Variants in PIGL observed in about 807,000 individuals in gnomAD.
PIGL encodes the protein N-acetylglucosaminyl-phosphatidylinositol de-N-acetylase.
PIGL carries 22 observed loss-of-function variants against 31.1 expected under a neutral mutation model. The ratio of observed to expected loss-of-function variants is 0.71; its 90% CI spans 0.51 to 1.01. The LOEUF is 1.01. PIGL is among the 50% of genes least tolerant of loss of function. The pLI, the probability that PIGL is intolerant of heterozygous loss-of-function variation, is 0.00. For missense variants in PIGL, 302 were observed against 315.9 expected (o/e 0.96, Z 0.33); for synonymous variants, 131 against 117.4 (o/e 1.12, Z -0.75).
rs140216212 is a variant in PIGL, at chr17:16,284,266, T to C, written c.336-15622T>C. ...TGCTGGGATTACAGGCATCAGCCAC[T>C]GCGCCTAGCCCGAAAGTTGCTTTTA... On this transcript the variant is annotated intron_variant, in intron 2 of 6. Transcript: ENST00000225609. Among the ~76,000 whole-genome samples the C allele has an allele frequency of 4.4e-3, 677 of 152,176 alleles. 8 individuals are homozygous for C. The highest frequency in any genetic ancestry group is 0.015 in the African/African-American group (633 of 41,522).
intron 1 of PIGL, among the ~76,000 whole-genome samples, chr17:16,224,615 C>G (rs1231043387): frequency 6.7e-6 from 1 of 149,992 alleles, no homozygotes; most frequent in African/African-American, 2.5e-5. Flanking sequence ...CCCCCAAATA[C>G]ATTTTAGAAT....
intron 6 of PIGL, among the ~76,000 whole-genome samples, chr17:16,324,926 A>G (rs1216351417): frequency 6.6e-6 from 1 of 152,080 alleles, no homozygotes; most frequent in Non-Finnish European, 1.5e-5. Flanking sequence ...TCTTCTTCTG[A>G]TAGTGATTGG....
chr17:16,317,146 A>G (rs1600863984), intron 5 of PIGL: 1 of 1,018,306 alleles, frequency 9.8e-7, no homozygotes, highest in East Asian at 8.3e-5. Flanking sequence ...CATGACCCCC[A>G]TGCTTAGCCT....
intron 2 of PIGL, among the ~76,000 whole-genome samples, chr17:16,255,762 C>T (rs2142737176): frequency 6.6e-6 from 1 of 152,314 alleles, no homozygotes; most frequent in African/African-American, 2.4e-5. Context: ...TCCAAATACA[C>T]AAAGAAGTGG....
intron 3 of PIGL, among the ~76,000 whole-genome samples, chr17:16,311,251 G>A (rs1010156126): frequency 1.3e-5 from 2 of 148,882 alleles, no homozygotes; most frequent in Admixed American, 6.7e-5. Flanking sequence ...TTTATTATTT[G>A]AGTTAGCCTT....
chr17:16,279,182 C>T (rs561810813), intron 2 of PIGL, among the ~76,000 whole-genome samples: 2 of 152,218 alleles, frequency 1.3e-5, no homozygotes, highest in Non-Finnish European at 2.9e-5. Flanking sequence ...AGTCCCAATC[C>T]AGACCCCAAG....
At chr17:16,220,048 T>A (rs1343983543) in intron 1 of PIGL, among the ~76,000 whole-genome samples, 1 of 151,910 alleles carries the variant, frequency 6.6e-6, no homozygotes, top group East Asian at 1.9e-4. Context: ...AATTGAAAAT[T>A]TTTTCAAATA....
chr17:16,264,846 G>A (rs1057490229), intron 2 of PIGL, among the ~76,000 whole-genome samples: 3 of 150,240 alleles, frequency 2.0e-5, no homozygotes, highest in Admixed American at 2.0e-4. Flanking sequence ...AGGCTGGTCT[G>A]GAACTCCTGA....
intron 2 of PIGL, among the ~76,000 whole-genome samples, chr17:16,251,799 G>A (rs1483394081): frequency 6.6e-6 from 1 of 151,898 alleles, no homozygotes; most frequent in Admixed American, 6.6e-5. Flanking sequence ...ATGAATAATA[G>A]GTTTTGCCAT....
intron 3 of PIGL, among the ~76,000 whole-genome samples, chr17:16,310,811 G>A (rs1161407597): frequency 1.3e-5 from 2 of 152,088 alleles, no homozygotes; most frequent in African/African-American, 4.8e-5. Flanking sequence ...CTTTTACACA[G>A]TGCTTCTTCC....
chr17:16,277,664 C>T (rs1232335275), intron 2 of PIGL, among the ~76,000 whole-genome samples: 1 of 152,108 alleles, frequency 6.6e-6, no homozygotes, highest in Non-Finnish European at 1.5e-5. Flanking sequence ...TTATTAGAAA[C>T]CTACATTCAA....
chr17:16,274,387 GTTTA>G (rs921104691), intron 2 of PIGL, among the ~76,000 whole-genome samples: 9 of 152,096 alleles, frequency 5.9e-5, no homozygotes, highest in Non-Finnish European at 7.4e-5. Flanking sequence ...TTGTTTGTTT[GTTTA>G]TTTATTTATT....
At chr17:16,286,256 G>T (rs1333269955) in intron 2 of PIGL, among the ~76,000 whole-genome samples, 1 of 152,254 alleles carries the variant, frequency 6.6e-6, no homozygotes, top group Non-Finnish European at 1.5e-5. Context: ...TCAGAGATAA[G>T]CTGTTACCCA....
intron 2 of PIGL, among the ~76,000 whole-genome samples, chr17:16,249,668 C>A (rs1600775820): frequency 6.6e-6 from 1 of 152,148 alleles, no homozygotes; most frequent in African/African-American, 2.4e-5. Flanking sequence ...GGTATAAGCC[C>A]TAGAATCTAA....
intron 1 of PIGL, among the ~76,000 whole-genome samples, chr17:16,228,627 A>G (rs1413668910): frequency 2.0e-5 from 3 of 151,982 alleles, no homozygotes; most frequent in Non-Finnish European, 2.9e-5. Flanking sequence ...TGACCTCGTG[A>G]TCCGCCCGCC....
intron 2 of PIGL, among the ~76,000 whole-genome samples, chr17:16,276,607 G>A (rs2092896764): frequency 6.6e-6 from 1 of 152,072 alleles, no homozygotes; most frequent in East Asian, 1.9e-4. Context: ...CGTGGTGGCG[G>A]GCACCTGTAA....
chr17:16,325,985 C>A lies in PIGL; in HGVS notation c.*87C>A. The A allele has an allele frequency of 2.1e-6, 2 of 967,320 alleles. No homozygotes were observed. The highest frequency in any genetic ancestry group is 1.6e-6 in the Non-Finnish European group (1 of 610,082). 59.9% of individuals were successfully genotyped at this position (967,320 alleles called of 1,614,324 possible). A position where few individuals can be genotyped will look rare whatever the true frequency, so the allele number is the denominator to read the frequency against. ...ACCTGGCCTGGCACTGGCTTATTTA[C>A]CTGAGCTCAAGGAGATCCCCGCTGG... On this transcript the variant is annotated 3_prime_UTR_variant, in exon 7 of 7. Coordinates refer to ENST00000225609, the MANE Select transcript of PIGL (RefSeq NM_004278.4).
chr17:16,322,648 C>G (rs1017381551), intron 6 of PIGL, among the ~76,000 whole-genome samples: 4 of 151,928 alleles, frequency 2.6e-5, no homozygotes, highest in Non-Finnish European at 5.9e-5. Context: ...ATTTGTAGTT[C>G]TATATTTATG....
chr17:16,321,233 G>A (rs1056970826), intron 6 of PIGL, among the ~76,000 whole-genome samples: 6 of 146,476 alleles, frequency 4.1e-5, no homozygotes, highest in Non-Finnish European at 6.0e-5. Context: ...CCACTGCGCC[G>A]GGCCTTTTTT....
Sources: allele counts gnomAD v4.1 joint callset (sites outside exome capture counted in the v4.1 genomes callset), GRCh38; gene constraint gnomAD v4.1.1; transcripts MANE v1.5; gene names NCBI Gene and HGNC (gene_info 2026-07-23, HGNC 2026-07-21).